ROBO2: variants seen among roughly 807,000 people sequenced by gnomAD.
ROBO2 encodes roundabout homolog 2.
In ROBO2, 53 loss-of-function variants were observed where a neutral mutation model predicts 160.8. The ratio of observed to expected loss-of-function variants is 0.33; its 90% CI spans 0.26 to 0.41. ROBO2 has a LOEUF of 0.41. Among genes scored for constraint, ROBO2 ranks in the 10% least tolerant of loss-of-function variants. ROBO2 has a pLI of 1.00. For synonymous variants in ROBO2, 664 were observed against 611.7 expected, an observed-to-expected ratio of 1.09 and a Z score of -1.26; for missense variants, 1,577 against 1,722.4, an observed-to-expected ratio of 0.92 and a Z score of 1.49.
chr3:76,509,791 C>G (rs1196893588), intron 2 of ROBO2, among the ~76,000 whole-genome samples: 2 of 152,176 alleles, frequency 1.3e-5, no homozygotes, highest in Non-Finnish European at 2.9e-5. Flanking sequence ...ATTAATGCCT[C>G]ACTCAGGTTG....
chr3:77,365,816 G>T (rs1401919422), intron 2 of ROBO2, among the ~76,000 whole-genome samples: 2 of 151,170 alleles, frequency 1.3e-5, no homozygotes, highest in Non-Finnish European at 2.9e-5. Context: ...TAACCAACCC[G>T]ATGAAATGCA....
At chr3:76,352,589 T>C (rs1002843060) in intron 2 of ROBO2, among the ~76,000 whole-genome samples, 1 of 152,018 alleles carries the variant, frequency 6.6e-6, no homozygotes, top group Non-Finnish European at 1.5e-5. Context: ...ATAGTATTTG[T>C]GACTATTACC....
intron 2 of ROBO2, among the ~76,000 whole-genome samples, chr3:77,006,414 AG>A (rs2061584194): frequency 6.6e-6 from 1 of 151,916 alleles, no homozygotes; most frequent in African/African-American, 2.4e-5. Context: ...GGGAAACTAA[AG>A]GAAAGATAAT....
chr3:77,640,515 A>T (rs2095336482), intron 24 of ROBO2, among the ~76,000 whole-genome samples: 1 of 152,142 alleles, frequency 6.6e-6, no homozygotes, highest in Non-Finnish European at 1.5e-5. Context: ...CTCTGGTTAC[A>T]TGAGTCTGGA....
intron 2 of ROBO2, among the ~76,000 whole-genome samples, chr3:76,543,993 T>C (rs2082955089): frequency 6.6e-6 from 1 of 152,050 alleles, no homozygotes; most frequent in Non-Finnish European, 1.5e-5. Context: ...TTCATTTTCT[T>C]CTAATACTCC....
intron 2 of ROBO2, among the ~76,000 whole-genome samples, chr3:76,502,868 G>T (rs1236284967): frequency 6.6e-6 from 1 of 151,998 alleles, no homozygotes; most frequent in African/African-American, 2.4e-5. Flanking sequence ...AGCAAACTTG[G>T]CAAGAAAAAT....
At chr3:77,373,217 A>C (rs950017085) in intron 2 of ROBO2, among the ~76,000 whole-genome samples, 1 of 148,620 alleles carries the variant, frequency 6.7e-6, no homozygotes, top group Non-Finnish European at 1.5e-5. Context: ...AATAATTAAA[A>C]TATTACAATA....
At chr3:76,720,486 A>G (rs1205618867) in intron 2 of ROBO2, among the ~76,000 whole-genome samples, 2 of 152,168 alleles carry the variant, frequency 1.3e-5, no homozygotes, top group Non-Finnish European at 2.9e-5. Flanking sequence ...AGAGGCATTT[A>G]CTCTCTGAAA....
At chr3:76,645,675 GA>G (rs549174061) in intron 2 of ROBO2, among the ~76,000 whole-genome samples, 276 of 152,246 alleles carry the variant, frequency 1.8e-3, no homozygotes, top group Non-Finnish European at 3.3e-3. Flanking sequence ...TAGAGAATTT[GA>G]AAAAGATGTT....
intron 6 of ROBO2, 66 bp downstream of exon 6, chr3:77,522,968 G>T: frequency 1.3e-6 from 2 of 1,565,394 alleles, no homozygotes; most frequent in Non-Finnish European, 1.8e-6. Context: ...ATTGGTAAGT[G>T]AACTTACGAT....
intron 2 of ROBO2, among the ~76,000 whole-genome samples, chr3:76,593,766 T>C (rs924298760): frequency 6.6e-6 from 1 of 152,024 alleles, no homozygotes; most frequent in African/African-American, 2.4e-5. Flanking sequence ...CTTCTTTAAT[T>C]GTTCTTGTAT....
At chr3:76,274,477 GAT>G (rs1707800711) in intron 2 of ROBO2, among the ~76,000 whole-genome samples, 1 of 152,050 alleles carries the variant, frequency 6.6e-6, no homozygotes, top group African/African-American at 2.4e-5. Flanking sequence ...TTATGAATCT[GAT>G]ATATGATTTG....
At chr3:76,662,471 T>C (rs1207518662) in intron 2 of ROBO2, among the ~76,000 whole-genome samples, 1 of 152,164 alleles carries the variant, frequency 6.6e-6, no homozygotes, top group Non-Finnish European at 1.5e-5. Flanking sequence ...GGAGGCACTA[T>C]GGATTCAAAA....
At position 77,080,650 on chromosome 3, in the gene ROBO2, C is replaced by T. The variant is rs373629714; in HGVS notation, c.62-17364C>T. Among the ~76,000 whole-genome samples, 84 of 152,178 alleles carry T rather than the reference C, an allele frequency of 5.5e-4. No homozygotes were observed. The East Asian group carries it at 0.012, about 22-fold the overall frequency. ...ATCTCACCCCTATCCCCTCTCTGCT[C>T]GAGAATTTGTTATTTTGCCAAGAAC... is the stretch of plus-strand genomic sequence containing the variant. On this transcript the variant is annotated intron_variant, in intron 1 of 25. Transcript: ENST00000461745.
chr3:76,251,136 G>T (rs1705968539), intron 2 of ROBO2, among the ~76,000 whole-genome samples: 1 of 151,920 alleles, frequency 6.6e-6, no homozygotes, highest in Non-Finnish European at 1.5e-5. Flanking sequence ...AAGTTGCTGA[G>T]GTATAAACAC....
intron 2 of ROBO2, among the ~76,000 whole-genome samples, chr3:76,981,451 T>C (rs1383717791): frequency 6.6e-6 from 1 of 152,226 alleles, no homozygotes. Flanking sequence ...AACAACTTTC[T>C]ATGTGTTTAT....
At chr3:77,440,544 G>A (rs2079810988) in intron 2 of ROBO2, among the ~76,000 whole-genome samples, 1 of 152,008 alleles carries the variant, frequency 6.6e-6, no homozygotes, top group African/African-American at 2.4e-5. Flanking sequence ...CCATATATAT[G>A]GGTCATGACA....
chr3:77,048,524 A>G (rs2064914026), intron 1 of ROBO2, among the ~76,000 whole-genome samples: 1 of 152,232 alleles, frequency 6.6e-6, no homozygotes, highest in Non-Finnish European at 1.5e-5. Context: ...TGGCTGATTT[A>G]CATTTCATCC....
chr3:77,000,561 G>C (rs1056467124), intron 2 of ROBO2, among the ~76,000 whole-genome samples: 3 of 146,282 alleles, frequency 2.1e-5, no homozygotes, highest in Non-Finnish European at 4.5e-5. Flanking sequence ...CTTATTTATA[G>C]GTAGCTGGCA....
Sources: gnomAD v4.1 joint callset for allele counts (sites outside exome capture counted in the v4.1 genomes callset) on GRCh38, gnomAD v4.1.1 for gene constraint, MANE v1.5 for transcripts, NCBI Gene and HGNC (gene_info 2026-07-23, HGNC 2026-07-21) for gene names.